The following IL1RAPL2 variants were observed in gnomAD, a reference collection of about 807,000 sequenced individuals.
IL1RAPL2 encodes the protein interleukin 1 receptor accessory protein like 2, also known as X-linked interleukin-1 receptor accessory protein-like 2.
IL1RAPL2 carries 3 observed loss-of-function variants against 44.1 expected under a neutral mutation model. That is an observed-to-expected ratio of 0.07 (90% confidence interval 0.03 to 0.18). The LOEUF is 0.18. Among genes scored for constraint, IL1RAPL2 ranks in the 10% least tolerant of loss-of-function variants. IL1RAPL2 has a pLI of 1.00. For synonymous variants in IL1RAPL2, 181 were observed against 178.8 expected, an observed-to-expected ratio of 1.01 and a Z score of -0.10; for missense variants, 391 against 496.4, an observed-to-expected ratio of 0.79 and a Z score of 2.02.
intron 2 of IL1RAPL2, among the ~76,000 whole-genome samples, chrX:104,818,401 G>T (rs1399234577): frequency 9.3e-6 from 1 of 107,105 alleles, no homozygotes; most frequent in Non-Finnish European, 1.9e-5. Context: ...ACAGAATTGT[G>T]ATCCAGGAAT....
intron 1 of IL1RAPL2, among the ~76,000 whole-genome samples, chrX:104,636,508 G>T (rs1342812706): frequency 1.8e-5 from 2 of 112,228 alleles, no homozygotes; most frequent in African/African-American, 6.5e-5. Flanking sequence ...AAGCTTCCTG[G>T]CCACTTTGTT....
chrX:105,668,826 A>G (rs1173996450), intron 6 of IL1RAPL2, among the ~76,000 whole-genome samples: 1 of 111,729 alleles, frequency 9.0e-6, no homozygotes, highest in Non-Finnish European at 1.9e-5. Flanking sequence ...ACAAAGGTGG[A>G]TACCTAAAAC....
At chrX:105,457,611 C>A (rs1428305467) in intron 5 of IL1RAPL2, among the ~76,000 whole-genome samples, 1 of 108,095 alleles carries the variant, frequency 9.3e-6, no homozygotes, top group African/African-American at 3.3e-5. Context: ...GAAAAATATT[C>A]TATTGTGTAT....
At chrX:105,349,086 A>T (rs1021073844) in intron 5 of IL1RAPL2, among the ~76,000 whole-genome samples, 2 of 112,241 alleles carry the variant, frequency 1.8e-5, no homozygotes, top group South Asian at 3.7e-4. Flanking sequence ...CATGGTACAT[A>T]TTGAAAATTT....
At chrX:105,356,316 G>A (rs2035202625) in intron 5 of IL1RAPL2, among the ~76,000 whole-genome samples, 1 of 110,679 alleles carries the variant, frequency 9.0e-6, no homozygotes, top group South Asian at 3.8e-4. Flanking sequence ...TTTTTCAATT[G>A]AGAATATATT....
At chrX:105,270,785 G>T (rs2034440834) in intron 5 of IL1RAPL2, among the ~76,000 whole-genome samples, 1 of 111,455 alleles carries the variant, frequency 9.0e-6, no homozygotes, top group South Asian at 3.7e-4. Flanking sequence ...AAAATATAAG[G>T]CTAGGATTAT....
chrX:104,945,079 G>A (rs1394653740), intron 2 of IL1RAPL2, among the ~76,000 whole-genome samples: 2 of 111,609 alleles, frequency 1.8e-5, no homozygotes, highest in Admixed American at 9.6e-5. Flanking sequence ...TATCCTGGCT[G>A]TAAAATGTGT....
Position 105,629,959 on chromosome X carries a change from T to C in IL1RAPL2, c.773-87408T>C, listed in dbSNP as rs114680686. Among the ~76,000 whole-genome samples the C allele has an allele frequency of 5.0e-3, 562 of 111,676 alleles. 5 individuals carry two copies. The highest frequency in any genetic ancestry group is 0.018 in the African/African-American group (541 of 30,797). On this transcript the variant is annotated intron_variant, in intron 6 of 10. Coordinates refer to ENST00000372582, the MANE Select transcript of IL1RAPL2 (RefSeq NM_017416.2). ...ACTTCAACTAGGTTTGTGACCAAGTTGAATTCAGTTTACCTTTCAGCCTCA... is the reference window on the plus strand; with the variant it reads ...ACTTCAACTAGGTTTGTGACCAAGTCGAATTCAGTTTACCTTTCAGCCTCA...
At chrX:105,160,552 A>ATC (rs1471942651) in intron 2 of IL1RAPL2, among the ~76,000 whole-genome samples, 1 of 111,314 alleles carries the variant, frequency 9.0e-6, no homozygotes, top group Non-Finnish European at 1.9e-5. Flanking sequence ...AATGCTTGAA[A>ATC]AAGTTTCTCT....
At chrX:104,597,126 C>G (rs775864334) in intron 1 of IL1RAPL2, among the ~76,000 whole-genome samples, 6 of 110,495 alleles carry the variant, frequency 5.4e-5, no homozygotes, top group Non-Finnish European at 1.1e-4. Context: ...GGTGGATTGC[C>G]TGAGTTCAGG....
chrX:105,206,112 C>G (rs1479724733), intron 3 of IL1RAPL2, among the ~76,000 whole-genome samples: 1 of 111,138 alleles, frequency 9.0e-6, no homozygotes, highest in African/African-American at 3.3e-5. Context: ...GTGCTATTAA[C>G]TGAGAGAGAA....
At chrX:105,185,079 T>C (rs1251274325) in intron 2 of IL1RAPL2, among the ~76,000 whole-genome samples, 1 of 111,534 alleles carries the variant, frequency 9.0e-6, no homozygotes. Context: ...AACTGACATT[T>C]ATTCCCACCT....
chrX:105,663,901 A>G (rs2037738418), intron 6 of IL1RAPL2, among the ~76,000 whole-genome samples: 1 of 112,506 alleles, frequency 8.9e-6, no homozygotes, highest in African/African-American at 3.2e-5. Context: ...CCATTGCTGC[A>G]GTTACCAAAA....
intron 2 of IL1RAPL2, among the ~76,000 whole-genome samples, chrX:104,828,160 G>T (rs946439199): frequency 5.4e-5 from 6 of 111,563 alleles, no homozygotes; most frequent in Non-Finnish European, 1.1e-4. Context: ...CTCCAGTTTT[G>T]TTCCCTTGCT....
chrX:105,175,319 A>G (rs2033462738), intron 2 of IL1RAPL2, among the ~76,000 whole-genome samples: 1 of 111,629 alleles, frequency 9.0e-6, no homozygotes, highest in Admixed American at 9.6e-5. Context: ...CTCAATCCTC[A>G]CAGTAGCATT....
chrX:105,505,372 TA>T (rs1237537452), intron 6 of IL1RAPL2, among the ~76,000 whole-genome samples: 1 of 111,547 alleles, frequency 9.0e-6, no homozygotes, highest in Non-Finnish European at 1.9e-5. Flanking sequence ...TACATAAATA[TA>T]AAATTACAAA....
chrX:105,707,338 G>A (rs940729478), intron 6 of IL1RAPL2, among the ~76,000 whole-genome samples: 42 of 111,694 alleles, frequency 3.8e-4, no homozygotes, highest in African/African-American at 1.2e-3. Flanking sequence ...GGTGAAGACC[G>A]GCAAAGATAC....
intron 6 of IL1RAPL2, among the ~76,000 whole-genome samples, chrX:105,589,025 T>C (rs1315507725): frequency 8.9e-6 from 1 of 111,998 alleles, no homozygotes; most frequent in East Asian, 2.8e-4. Flanking sequence ...TGTTCTTTTT[T>C]CTCCACAACC....
intron 2 of IL1RAPL2, among the ~76,000 whole-genome samples, chrX:104,666,895 A>T (rs1057284650): frequency 8.9e-6 from 1 of 112,246 alleles, no homozygotes; most frequent in African/African-American, 3.2e-5. Flanking sequence ...CTGAATATGC[A>T]GTTTTAAACT....
Sources: allele counts gnomAD v4.1 joint callset (sites outside exome capture counted in the v4.1 genomes callset), GRCh38; gene constraint gnomAD v4.1.1; transcripts MANE v1.5; gene names NCBI Gene and HGNC (gene_info 2026-07-23, HGNC 2026-07-21).